ATAD2B: variants seen among roughly 807,000 people sequenced by gnomAD.
ATAD2B encodes the protein ATPase family AAA domain containing 2B.
A neutral mutation model predicts 167.6 loss-of-function variants in ATAD2B; 40 were observed. The ratio of observed to expected loss-of-function variants is 0.24; its 90% CI spans 0.19 to 0.31. The LOEUF (loss-of-function observed/expected upper bound fraction) is 0.31, where lower values mean the gene tolerates loss of function less well. ATAD2B is among the 10% of genes least tolerant of loss of function. The pLI, the probability that ATAD2B is intolerant of heterozygous loss-of-function variation, is 1.00. For missense variants in ATAD2B, 1,242 were observed against 1,757.2 expected (o/e 0.71, Z 5.24); for synonymous variants, 579 against 596.5 (o/e 0.97, Z 0.43).
chr2:23,891,320 T>C (rs1573292003), intron 2 of ATAD2B, among the ~76,000 whole-genome samples: 1 of 152,058 alleles, frequency 6.6e-6, no homozygotes, highest in Non-Finnish European at 1.5e-5. Context: ...ACGCCCAGCC[T>C]ACACTGAGAT....
intron 12 of ATAD2B, among the ~76,000 whole-genome samples, chr2:23,862,003 C>T (rs1694442775): frequency 6.6e-6 from 1 of 152,164 alleles, no homozygotes; most frequent in African/African-American, 2.4e-5. Context: ...GACTTCAAGA[C>T]CAGCCTAGGC....
chr2:23,882,150 A>C (rs577446085), intron 6 of ATAD2B, among the ~76,000 whole-genome samples: 2 of 152,268 alleles, frequency 1.3e-5, no homozygotes, highest in Non-Finnish European at 2.9e-5. Flanking sequence ...GCTTGAGCCC[A>C]GAAGTTTGAG....
intron 17 of ATAD2B, among the ~76,000 whole-genome samples, chr2:23,813,102 T>A (rs1008837252): frequency 6.6e-6 from 1 of 152,046 alleles, no homozygotes; most frequent in Non-Finnish European, 1.5e-5. Context: ...TGTTAAGATG[T>A]GTCCTACTTT....
chr2:23,720,578 C>CAAA, the ATAD2B span, among the ~76,000 whole-genome samples: 11,652 of 126,586 alleles, frequency 0.092, 787 homozygotes, highest in South Asian at 0.16. Flanking sequence ...GACTCCGTCT[C>CAAA]AAAAAAAAAA....
Position 23,798,370 on chromosome 2 carries a change from C to T in ATAD2B, c.2455-47G>A, listed in dbSNP as rs182140743. On this transcript the variant is annotated intron_variant, in intron 18 of 27. Coordinates refer to ENST00000238789, the MANE Select transcript of ATAD2B (RefSeq NM_017552.4). Reference sequence around the variant, plus strand: ...CATTAAACAACTCAAATTGATTATTCTAAAGTCTACCCAGTAATCTCCAAA... The same window carrying T: ...CATTAAACAACTCAAATTGATTATTTTAAAGTCTACCCAGTAATCTCCAAA... 1.1e-5 allele frequency: 15 copies of T among 1,409,960 alleles called. No individual in the cohort carries two copies. In the East Asian group the frequency reaches 2.3e-4, roughly 22 times the overall value. The allele number at this position is 1,409,960 out of a possible 1,614,324, so 87.3% of individuals were successfully genotyped here.
At chr2:23,764,273 C>T (rs910899214) in intron 23 of ATAD2B, among the ~76,000 whole-genome samples, 3 of 152,182 alleles carry the variant, frequency 2.0e-5, no homozygotes, top group South Asian at 2.1e-4. Flanking sequence ...CAAGGCAATT[C>T]GACCAATTCA....
At chr2:23,691,502 CTT>C in the ATAD2B span, 9 of 611,602 alleles carry the variant, frequency 1.5e-5, no homozygotes, top group Non-Finnish European at 2.3e-5. Flanking sequence ...TGGTCAGACT[CTT>C]CTCTTTCAGA....
chr2:23,867,866 G>A lies in ATAD2B; in HGVS notation c.1157C>T (p.Ala386Val). 1.9e-6 allele frequency: 3 copies of A among 1,612,902 alleles called. No individual in the cohort carries two copies. Among genetic ancestry groups the A allele is most frequent in the Non-Finnish European group, 2.5e-6 (3 of 1,179,232 alleles). The change falls in exon 10 of 28, where the codon GCT (alanine) becomes GTT (valine). Residue 386 changes from alanine (A) to valine (V), a missense_variant. Physicochemically the swap from Ala to Val is moderately conservative, Grantham distance 64. Coordinates refer to ENST00000238789, the MANE Select transcript of ATAD2B (RefSeq NM_017552.4). ...RERVKVGASL[A>V]DVDPMNIDKS... Reference sequence around the variant, plus strand: ...ATCAATGTTCATTGGATCAACATCAGCCAAGCTTGCACCCACTTTCACTCG... The same window carrying A: ...ATCAATGTTCATTGGATCAACATCAACCAAGCTTGCACCCACTTTCACTCG...
At chr2:23,759,090 G>T (rs1319229245) in intron 24 of ATAD2B, among the ~76,000 whole-genome samples, 1 of 152,040 alleles carries the variant, frequency 6.6e-6, no homozygotes, top group East Asian at 1.9e-4. Flanking sequence ...GTGTTCTTCA[G>T]AACACTTAAA....
At chr2:23,802,673 A>G (rs1367168079) in intron 18 of ATAD2B, among the ~76,000 whole-genome samples, 1 of 152,134 alleles carries the variant, frequency 6.6e-6, no homozygotes, top group Non-Finnish European at 1.5e-5. Context: ...TGCTATGGAA[A>G]AAGTCAGATA....
intron 15 of ATAD2B, among the ~76,000 whole-genome samples, chr2:23,827,604 T>C (rs1688449832): frequency 6.6e-6 from 1 of 152,200 alleles, no homozygotes. Flanking sequence ...AATATCATCA[T>C]AAATAAAAGG....
chr2:23,755,800 A>G (rs1446562081), intron 25 of ATAD2B, among the ~76,000 whole-genome samples: 4 of 152,202 alleles, frequency 2.6e-5, no homozygotes, highest in African/African-American at 9.6e-5. Context: ...ATGATATATC[A>G]GAGAAATTTT....
At position 23,885,754 on chromosome 2, in the gene ATAD2B, T is replaced by C; in HGVS notation, c.648A>G (p.Arg216=). The C allele has an allele frequency of 1.3e-6, 2 of 1,597,704 alleles. No homozygotes were observed. Among genetic ancestry groups the C allele is most frequent in the Non-Finnish European group, 8.5e-7 (1 of 1,170,386 alleles). ...RRNRRSGEVE[R]LRMWTDTEFE... is the part of the protein sequence containing the mutation. ...ATTCTGTATCTGTCCACATTCGAAG[T>C]CGTTCTACTTCTCCTGATCGACGAT... is the stretch of plus-strand genomic sequence containing the variant. Residue 216 remains arginine, a synonymous_variant, in exon 5 of 28, where the codon CGA becomes CGG. Transcript: ENST00000238789.
chr2:23,742,306 A>G, the ATAD2B span, among the ~76,000 whole-genome samples: 4 of 152,208 alleles, frequency 2.6e-5, no homozygotes, highest in Admixed American at 2.6e-4. Context: ...AACCAACCTA[A>G]ATGTCCAACA....
chr2:23,869,616 T>C lies in ATAD2B; in HGVS notation c.1076+47A>G, dbSNP rs1201227902. On this transcript the variant is annotated intron_variant, in intron 9 of 27. Coordinates refer to ENST00000238789, the MANE Select transcript of ATAD2B (RefSeq NM_017552.4). ...AAGAAAATCACTCAAAAAAAACTTA[T>C]TTTTCCTTTTTTCTACCATGGAAAT... 3 of 1,369,276 alleles carry C rather than the reference T, an allele frequency of 2.2e-6. No individual in the cohort carries two copies. In the East Asian group the frequency reaches 7.5e-5, roughly 34 times the overall value. 84.8% of individuals were successfully genotyped at this position (1,369,276 alleles called of 1,614,324 possible).
chr2:23,733,925 A>ACC, the ATAD2B span, among the ~76,000 whole-genome samples: 5,610 of 152,274 alleles, frequency 0.037, 106 homozygotes, highest in South Asian at 0.045. Context: ...GTACACAGAA[A>ACC]CACCCATAGT....
At chr2:23,777,306 T>C (rs761182273) in intron 22 of ATAD2B, among the ~76,000 whole-genome samples, 6 of 151,930 alleles carry the variant, frequency 3.9e-5, no homozygotes, top group Non-Finnish European at 8.8e-5. Flanking sequence ...GCCTGCCACA[T>C]AGTAGTTATC....
At chr2:23,815,521 C>T (rs1686307966) in intron 17 of ATAD2B, among the ~76,000 whole-genome samples, 1 of 152,082 alleles carries the variant, frequency 6.6e-6, no homozygotes, top group Non-Finnish European at 1.5e-5. Flanking sequence ...GGAGATGGGC[C>T]ACTGGTCAGG....
At chr2:23,852,886 T>G (rs1573043179) in intron 13 of ATAD2B, among the ~76,000 whole-genome samples, 1 of 147,634 alleles carries the variant, frequency 6.8e-6, no homozygotes, top group Non-Finnish European at 1.5e-5. Flanking sequence ...GCCATTGCAC[T>G]CCAGCATGGG....
Sources: gnomAD v4.1 joint callset for allele counts (sites outside exome capture counted in the v4.1 genomes callset) on GRCh38, gnomAD v4.1.1 for gene constraint, MANE v1.5 for transcripts, NCBI Gene and HGNC (gene_info 2026-07-23, HGNC 2026-07-21) for gene names.